MME: variants seen among roughly 807,000 people sequenced by gnomAD.
MME encodes neprilysin.
Under a neutral mutation model 113.2 loss-of-function variants are expected in MME, and 98 were observed. The observed-to-expected ratio is 0.87, with a 90% confidence interval of 0.74 to 1.02. The LOEUF (loss-of-function observed/expected upper bound fraction) is 1.02, where lower values mean the gene tolerates loss of function less well. MME is among the 50% of genes least tolerant of loss of function. MME has a pLI of 0.00. For synonymous variants in MME, 292 were observed against 300.6 expected, an observed-to-expected ratio of 0.97 and a Z score of 0.30; for missense variants, 836 against 896.0, an observed-to-expected ratio of 0.93 and a Z score of 0.86.
intron 1 of MME, among the ~76,000 whole-genome samples, chr3:155,074,417 T>C (rs184215593): frequency 1.3e-5 from 2 of 152,160 alleles, no homozygotes; most frequent in African/African-American, 2.4e-5. Flanking sequence ...TATGTGTGTG[T>C]GTGTGTTTCC....
chr3:155,042,917 T>TATATATAA (rs1553749778), intron 1 of MME, among the ~76,000 whole-genome samples: 1 of 51,082 alleles, frequency 2.0e-5, no homozygotes. Flanking sequence ...TATATATATA[T>TATATATAA]ATATATATAT....
chr3:155,160,687 A>G (rs1261548658), intron 17 of MME, among the ~76,000 whole-genome samples: 1 of 152,070 alleles, frequency 6.6e-6, no homozygotes, highest in Admixed American at 6.6e-5. Context: ...TCTTATTTAT[A>G]TCTAAAATGG....
intron 1 of MME, among the ~76,000 whole-genome samples, chr3:155,046,479 G>C (rs1184590519): frequency 1.3e-5 from 2 of 152,126 alleles, no homozygotes; most frequent in Admixed American, 1.3e-4. Flanking sequence ...CCTGATGTCA[G>C]GAGTTCAAGA....
chr3:155,058,407 T>C (rs1714013133), intron 1 of MME, among the ~76,000 whole-genome samples: 1 of 152,206 alleles, frequency 6.6e-6, no homozygotes, highest in South Asian at 2.1e-4. Flanking sequence ...ATATTTGTAA[T>C]TGAATAAATT....
intron 1 of MME, among the ~76,000 whole-genome samples, chr3:155,046,250 C>A (rs1026393102): frequency 3.9e-5 from 6 of 152,200 alleles, no homozygotes; most frequent in African/African-American, 1.4e-4. Flanking sequence ...CCTCTGTCAT[C>A]TCCTTGCAGC....
chr3:155,049,582 G>C (rs1713683751), intron 1 of MME, among the ~76,000 whole-genome samples: 1 of 152,136 alleles, frequency 6.6e-6, no homozygotes, highest in Admixed American at 6.5e-5. Context: ...TGAGGGCTCA[G>C]ATAGAATTAA....
chr3:155,103,959 A>T (rs139121237), intron 3 of MME, among the ~76,000 whole-genome samples: 2 of 152,190 alleles, frequency 1.3e-5, no homozygotes, highest in South Asian at 2.1e-4. Flanking sequence ...TTACTTATCA[A>T]CTGAATACAG....
At chr3:155,119,568 T>TCCC (rs902706231) in intron 8 of MME, among the ~76,000 whole-genome samples, 3 of 47,578 alleles carry the variant, frequency 6.3e-5, no homozygotes, top group Non-Finnish European at 1.3e-4. Context: ...CCCTCCCCCC[T>TCCC]CCCCCCACCC....
intron 3 of MME, among the ~76,000 whole-genome samples, chr3:155,094,999 C>T (rs1310684486): frequency 6.6e-6 from 1 of 152,176 alleles, no homozygotes. Context: ...TCTGTGGCTG[C>T]ACTTTCAGTA....
At chr3:155,072,098 T>C (rs1714585414) in intron 1 of MME, among the ~76,000 whole-genome samples, 2 of 146,418 alleles carry the variant, frequency 1.4e-5, no homozygotes. Flanking sequence ...GAAGCGGAGC[T>C]TGCAGTGAGC....
chr3:155,144,654 A>C (rs1008238087), intron 14 of MME, among the ~76,000 whole-genome samples, 197 bp downstream of exon 14: 2 of 152,212 alleles, frequency 1.3e-5, no homozygotes, highest in Non-Finnish European at 2.9e-5. Flanking sequence ...CTCTGCAACC[A>C]ATACTCTAGC....
intron 8 of MME, among the ~76,000 whole-genome samples, chr3:155,127,006 T>C (rs1429824630): frequency 3.6e-5 from 4 of 112,020 alleles, no homozygotes; most frequent in African/African-American, 7.2e-5. Context: ...AAACTCCATC[T>C]CAAAAAAAAA....
At chr3:155,107,801 A>G (rs2108232278) in intron 3 of MME, among the ~76,000 whole-genome samples, 1 of 152,284 alleles carries the variant, frequency 6.6e-6, no homozygotes, top group African/African-American at 2.4e-5. Context: ...ACTATAGACA[A>G]GGATCCTTTT....
intron 1 of MME, among the ~76,000 whole-genome samples, chr3:155,043,992 A>G (rs1256029608): frequency 6.6e-6 from 1 of 152,128 alleles, no homozygotes; most frequent in Non-Finnish European, 1.5e-5. Context: ...TTACCTATTC[A>G]TAAGCCAGCT....
intron 22 of MME, among the ~76,000 whole-genome samples, chr3:155,173,158 A>G (rs1276054978): frequency 3.3e-5 from 5 of 152,106 alleles, no homozygotes; most frequent in Non-Finnish European, 5.9e-5. Flanking sequence ...TTCCCAAATT[A>G]GAAAATCAAA....
At chr3:155,174,840 C>T (rs1048933977) in intron 22 of MME, among the ~76,000 whole-genome samples, 1 of 152,018 alleles carries the variant, frequency 6.6e-6, no homozygotes, top group African/African-American at 2.4e-5. Context: ...TTTATAAGCT[C>T]ATAAAAACCA....
intron 1 of MME, among the ~76,000 whole-genome samples, chr3:155,042,927 T>TATATATAC (rs1179142942): frequency 1.5e-5 from 1 of 65,372 alleles, no homozygotes; most frequent in East Asian, 4.6e-4. Context: ...TATATATATA[T>TATATATAC]ATATATATAT....
intron 16 of MME, among the ~76,000 whole-genome samples, chr3:155,156,702 T>G (rs1722327771): frequency 6.6e-6 from 1 of 152,134 alleles, no homozygotes; most frequent in South Asian, 2.1e-4. Context: ...TTATTGTGAT[T>G]ACAAGGTAAG....
intron 1 of MME, among the ~76,000 whole-genome samples, chr3:155,055,124 T>C (rs1275954365): frequency 6.6e-6 from 1 of 152,210 alleles, no homozygotes; most frequent in African/African-American, 2.4e-5. Flanking sequence ...ATGTAAAATA[T>C]GTTCATAGCA....
Sources: allele counts gnomAD v4.1 joint callset (sites outside exome capture counted in the v4.1 genomes callset), GRCh38; gene constraint gnomAD v4.1.1; transcripts MANE v1.5; gene names NCBI Gene and HGNC (gene_info 2026-07-23, HGNC 2026-07-21).